The following NUDCD3 variants were observed in gnomAD, a reference collection of about 807,000 sequenced individuals.
NUDCD3 encodes NudC domain containing 3, also known as nudC domain-containing protein 3.
Under a neutral mutation model 39.7 loss-of-function variants are expected in NUDCD3, and 13 were observed. That is an observed-to-expected ratio of 0.33 (90% CI 0.21 to 0.52). The LOEUF (loss-of-function observed/expected upper bound fraction) is 0.52, where lower values mean the gene tolerates loss of function less well. Among genes scored for constraint, NUDCD3 ranks in the 20% least tolerant of loss-of-function variants. The pLI is 0.96. For missense variants in NUDCD3, 453 were observed against 458.1 expected, an observed-to-expected ratio of 0.99 and a Z score of 0.10; for synonymous variants, 175 against 172.4, an observed-to-expected ratio of 1.02 and a Z score of -0.12.
chr7:44,435,680 T>C (rs1191825518), intron 2 of NUDCD3, among the ~76,000 whole-genome samples: 1 of 152,198 alleles, frequency 6.6e-6, no homozygotes, highest in Non-Finnish European at 1.5e-5. Context: ...TCTTCTGTAA[T>C]GAAGGCAATG....
chr7:44,414,672 A>C (rs1309628621), intron 3 of NUDCD3, among the ~76,000 whole-genome samples: 2 of 152,224 alleles, frequency 1.3e-5, no homozygotes, highest in African/African-American at 4.8e-5. Context: ...TGAACATATA[A>C]ATGTGTTATG....
At chr7:44,425,588 G>C (rs538297450) in intron 3 of NUDCD3, among the ~76,000 whole-genome samples, 1 of 152,240 alleles carries the variant, frequency 6.6e-6, no homozygotes, top group African/African-American at 2.4e-5. Context: ...CTTCCACTGG[G>C]AACAATGGCT....
intron 3 of NUDCD3, among the ~76,000 whole-genome samples, chr7:44,405,728 T>C (rs530906179): frequency 6.6e-6 from 1 of 152,310 alleles, no homozygotes; most frequent in East Asian, 1.9e-4. Context: ...AACCTAACTG[T>C]AGTTTAAATA....
chr7:44,438,030 G>T (rs1563177212), intron 2 of NUDCD3, among the ~76,000 whole-genome samples: 1 of 152,066 alleles, frequency 6.6e-6, no homozygotes. Flanking sequence ...AACAAAATTA[G>T]ATAATCTACG....
At chr7:44,413,999 C>T (rs1389758252) in intron 3 of NUDCD3, among the ~76,000 whole-genome samples, 2 of 149,326 alleles carry the variant, frequency 1.3e-5, no homozygotes, top group East Asian at 2.0e-4. Flanking sequence ...AAGGCTGCAG[C>T]GGGCCATGAT....
At chr7:44,440,933 T>A (rs1367697867) in intron 2 of NUDCD3, among the ~76,000 whole-genome samples, 1 of 152,216 alleles carries the variant, frequency 6.6e-6, no homozygotes, top group African/African-American at 2.4e-5. Context: ...ATCACAGTCC[T>A]AAGCAAAAAG....
At chr7:44,395,625 T>G (rs1798609672) in intron 4 of NUDCD3, among the ~76,000 whole-genome samples, 1 of 152,244 alleles carries the variant, frequency 6.6e-6, no homozygotes, top group Non-Finnish European at 1.5e-5. Flanking sequence ...ATTCTGCCTC[T>G]ACAGATTTGC....
intron 4 of NUDCD3, among the ~76,000 whole-genome samples, chr7:44,397,581 T>C (rs1322357440): frequency 2.0e-5 from 3 of 152,206 alleles, no homozygotes. Flanking sequence ...AAGCTTCTCA[T>C]GTGCTTATTA....
chr7:44,426,687 T>G (rs1462436251), intron 3 of NUDCD3, among the ~76,000 whole-genome samples: 1 of 150,670 alleles, frequency 6.6e-6, no homozygotes, highest in Non-Finnish European at 1.5e-5. Context: ...TCCCAGCTAC[T>G]TGGGAGGCTG....
intron 2 of NUDCD3, among the ~76,000 whole-genome samples, chr7:44,473,588 T>C (rs191772909): frequency 2.5e-3 from 374 of 152,346 alleles, no homozygotes; most frequent in Non-Finnish European, 4.6e-3. Flanking sequence ...TCTGTGCATG[T>C]GTACTATATA....
chr7:44,432,065 T>C (rs1799374663), intron 2 of NUDCD3, among the ~76,000 whole-genome samples: 1 of 152,156 alleles, frequency 6.6e-6, no homozygotes, highest in African/African-American at 2.4e-5. Flanking sequence ...GGAGGATTAC[T>C]TGAGGCCAGG....
chr7:44,379,645 G>A lies in NUDCD3; in HGVS notation c.*6366C>T, dbSNP rs1563159193. On this transcript the variant is annotated 3_prime_UTR_variant, in exon 6 of 6. Coordinates refer to ENST00000355451, the MANE Select transcript of NUDCD3 (RefSeq NM_015332.4). ...GTGGTTGGTGTTGCTTTAAGTTTCT[G>A]GGGATAGCAAAAGCTTAAGAAGTGA... 6.6e-6 allele frequency: 1 copy of A among 152,272 alleles called. No individual in the cohort carries two copies. The highest frequency in any genetic ancestry group is 1.5e-5 in the Non-Finnish European group (1 of 68,122). 9.4% of individuals were successfully genotyped at this position (152,272 alleles called of 1,614,324 possible). A position where few individuals can be genotyped will look rare whatever the true frequency, so the allele number is the denominator to read the frequency against.
Position 44,385,803 on chromosome 7 carries a change from CGGCCACCACATAGCAGCT to C in NUDCD3, c.*190_*207del, listed in dbSNP as rs1399619268. 1.3e-5 allele frequency: 7 copies of C among 557,624 alleles called. No homozygotes were observed. In the East Asian group the frequency reaches 1.8e-4, roughly 14 times the overall value. The allele number at this position is 557,624 out of a possible 1,614,324, so 34.5% of individuals were successfully genotyped here. A position where few individuals can be genotyped will look rare whatever the true frequency, so the allele number is the denominator to read the frequency against. ...CACCTTCACTCAGTGTCAGCCACAGCGGCCACCACATAGCAGCTGGCCCCGCACCTTCTCTGGAACAGT... is the reference window on the plus strand; with the variant it reads ...CACCTTCACTCAGTGTCAGCCACAGCGGCCCCGCACCTTCTCTGGAACAGT... On this transcript the variant is annotated 3_prime_UTR_variant, in exon 6 of 6. Transcript: ENST00000355451.
intron 2 of NUDCD3, among the ~76,000 whole-genome samples, chr7:44,444,914 T>C (rs1204674850): frequency 6.6e-6 from 1 of 152,178 alleles, no homozygotes; most frequent in Non-Finnish European, 1.5e-5. Flanking sequence ...CACCTTACCT[T>C]CCAATATGCC....
intron 5 of NUDCD3, among the ~76,000 whole-genome samples, chr7:44,389,561 G>A (rs1798471072): frequency 6.6e-6 from 1 of 152,198 alleles, no homozygotes; most frequent in Non-Finnish European, 1.5e-5. Flanking sequence ...CTCCAGAAAT[G>A]GAGAGACAAG....
At chr7:44,444,205 A>T (rs1799647229) in intron 2 of NUDCD3, among the ~76,000 whole-genome samples, 1 of 152,184 alleles carries the variant, frequency 6.6e-6, no homozygotes, top group Non-Finnish European at 1.5e-5. Context: ...TTCTCATCTC[A>T]CAGGTTATCA....
intron 4 of NUDCD3, among the ~76,000 whole-genome samples, chr7:44,397,226 G>A (rs1054686742): frequency 1.4e-4 from 22 of 152,166 alleles, no homozygotes; most frequent in African/African-American, 4.8e-4. Context: ...GACTCTTGAC[G>A]CTCAGCCACA....
intron 3 of NUDCD3, among the ~76,000 whole-genome samples, chr7:44,416,768 C>T (rs1327075098): frequency 6.6e-6 from 1 of 152,216 alleles, no homozygotes; most frequent in Non-Finnish European, 1.5e-5. Flanking sequence ...TATCCTGATA[C>T]TTATAACCAA....
At position 44,433,945 on chromosome 7, in the gene NUDCD3, A is replaced by C. The variant is rs189433764; in HGVS notation, c.510-6242T>G. 4.6e-5 allele frequency among the ~76,000 whole-genome samples: 7 copies of C among 151,952 alleles called. No individual in the cohort carries two copies. In the East Asian group the frequency reaches 1.4e-3, roughly 30 times the overall value. On this transcript the variant is annotated intron_variant, in intron 2 of 5. Coordinates refer to ENST00000355451, the MANE Select transcript of NUDCD3 (RefSeq NM_015332.4). ...AATGAATCCTCCTCCTCATCTGTCA[A>C]CTCTTCTCTGCCTATGCTCAATCTC...
Sources: gnomAD v4.1 joint callset for allele counts (sites outside exome capture counted in the v4.1 genomes callset) on GRCh38, gnomAD v4.1.1 for gene constraint, MANE v1.5 for transcripts, NCBI Gene and HGNC (gene_info 2026-07-23, HGNC 2026-07-21) for gene names.